Variants in GRIA4 observed in about 807,000 individuals in gnomAD.
GRIA4 encodes the protein glutamate ionotropic receptor AMPA type subunit 4.
Under a neutral mutation model 104.0 loss-of-function variants are expected in GRIA4, and 34 were observed. That is an observed-to-expected ratio of 0.33 (90% CI 0.25 to 0.44). GRIA4 has a LOEUF of 0.44. GRIA4 is among the 20% of genes least tolerant of loss of function. GRIA4 has a pLI of 1.00. For synonymous variants in GRIA4, 386 were observed against 381.9 expected (o/e 1.01, Z -0.13); for missense variants, 750 against 1,096.5 (o/e 0.68, Z 4.46).
intron 4 of GRIA4, among the ~76,000 whole-genome samples, chr11:105,757,430 T>C (rs1418246443): frequency 1.3e-5 from 2 of 151,962 alleles, no homozygotes; most frequent in African/African-American, 4.8e-5. Context: ...ATAATTGATA[T>C]GAAACTAAAA....
At chr11:105,953,137 G>A (rs984785926) in intron 14 of GRIA4, among the ~76,000 whole-genome samples, 6 of 152,188 alleles carry the variant, frequency 3.9e-5, no homozygotes, top group African/African-American at 7.2e-5. Context: ...GCTGAAAACT[G>A]GCTACTCTTC....
rs776790088 is a variant in GRIA4, at chr11:105,918,787, G to T, written c.1345G>T (p.Asp449Tyr). The T allele has an allele frequency of 6.2e-7, 1 of 1,600,900 alleles. No homozygotes were observed. The highest frequency in any genetic ancestry group is 1.1e-5 in the South Asian group (1 of 90,810). Residue 449 changes from aspartate (D) to tyrosine (Y), a missense_variant, in exon 11 of 17, where the codon GAT becomes TAT. Asp to Tyr is a radical substitution (Grantham distance 160). Coordinates refer to ENST00000282499, the MANE Select transcript of GRIA4 (RefSeq NM_000829.4). ...TGACAAGTATGAAGGATACTGTGTA[G>T]ATTTGGCATCTGAAATTGCAAAACA... ...GNDKYEGYCV[D>Y]LASEIAKHIG...
intron 14 of GRIA4, among the ~76,000 whole-genome samples, chr11:105,968,317 G>A (rs950149397): frequency 6.6e-6 from 1 of 152,206 alleles, no homozygotes; most frequent in African/African-American, 2.4e-5. Flanking sequence ...TTAAACTTGT[G>A]TTTGAATGGG....
At chr11:105,622,608 T>C (rs186494419) in intron 3 of GRIA4, among the ~76,000 whole-genome samples, 5 of 151,918 alleles carry the variant, frequency 3.3e-5, no homozygotes, top group Admixed American at 6.6e-5. Flanking sequence ...CCCATGCCTC[T>C]ACCTCCAAAG....
chr11:105,737,863 C>A lies in GRIA4; in HGVS notation c.248-15118C>A, dbSNP rs1242893233. Reference sequence around the variant, plus strand: ...TAGATGTATAAACTTATATGAGTTGCATAAATTCACCAAATTTCATCTTTC... The same window carrying A: ...TAGATGTATAAACTTATATGAGTTGAATAAATTCACCAAATTTCATCTTTC... On this transcript the variant is annotated intron_variant, in intron 3 of 16. Transcript: ENST00000282499. Among the ~76,000 whole-genome samples, 2 of 152,170 alleles carry A rather than the reference C, an allele frequency of 1.3e-5. 1 individual carries two copies. Among genetic ancestry groups the A allele is most frequent in the East Asian group, 3.9e-4 (2 of 5,180 alleles).
chr11:105,706,303 T>G (rs1446819544), intron 3 of GRIA4: 2 of 152,398 alleles, frequency 1.3e-5, no homozygotes, highest in African/African-American at 4.8e-5. Context: ...GCAGAAATGC[T>G]TCAATTACTT....
At chr11:105,819,674 C>T (rs549623610) in intron 4 of GRIA4, among the ~76,000 whole-genome samples, 2 of 151,996 alleles carry the variant, frequency 1.3e-5, no homozygotes, top group African/African-American at 2.4e-5. Flanking sequence ...CATGAAAAGT[C>T]TTACTTTATA....
chr11:105,706,158 G>C (rs1953691354), intron 3 of GRIA4: 1 of 152,224 alleles, frequency 6.6e-6, no homozygotes, highest in Non-Finnish European at 1.5e-5. Flanking sequence ...GTCAATTGTG[G>C]GGCCTTGCCA....
chr11:105,807,389 GAA>G (rs1182555546), intron 4 of GRIA4, among the ~76,000 whole-genome samples: 1 of 151,916 alleles, frequency 6.6e-6, no homozygotes, highest in Non-Finnish European at 1.5e-5. Flanking sequence ...GTTAAACATT[GAA>G]AAAGAGTCAA....
chr11:105,753,319 C>CAGAAATGGTTTCTG, intron 4 of GRIA4, 99 bp downstream of exon 4: 2 of 1,052,786 alleles, frequency 1.9e-6, no homozygotes, highest in Non-Finnish European at 2.8e-6. Flanking sequence ...TGATCTCTAA[C>CAGAAATGGTTTCTG]ATCACTAAAA....
intron 4 of GRIA4, among the ~76,000 whole-genome samples, chr11:105,777,091 T>C (rs566162392): frequency 4.1e-4 from 63 of 152,202 alleles, no homozygotes; most frequent in Admixed American, 2.5e-3. Context: ...ACACGGAATG[T>C]TATAAATGAA....
intron 6 of GRIA4, among the ~76,000 whole-genome samples, chr11:105,892,291 C>G (rs573856438): frequency 4.8e-4 from 73 of 152,200 alleles, no homozygotes; most frequent in South Asian, 1.2e-3. Flanking sequence ...ACATTTGTCC[C>G]ATTACCAAGA....
At chr11:105,949,947 A>G (rs1281791352) in intron 14 of GRIA4, among the ~76,000 whole-genome samples, 1 of 152,172 alleles carries the variant, frequency 6.6e-6, no homozygotes, top group Non-Finnish European at 1.5e-5. Context: ...AGGCCTCACT[A>G]TCCTCATCTG....
At chr11:105,830,182 C>T (rs986207745) in intron 4 of GRIA4, among the ~76,000 whole-genome samples, 2 of 151,880 alleles carry the variant, frequency 1.3e-5, no homozygotes, top group East Asian at 3.9e-4. Context: ...TCTAAATGGG[C>T]AGTGAGGTGA....
intron 3 of GRIA4, among the ~76,000 whole-genome samples, chr11:105,621,144 T>C (rs1250220749): frequency 6.6e-6 from 1 of 151,832 alleles, no homozygotes; most frequent in Non-Finnish European, 1.5e-5. Context: ...GCAGAAATTA[T>C]ACTATAAGCT....
intron 10 of GRIA4, chr11:105,913,207 C>A: frequency 5.5e-6 from 2 of 365,818 alleles, no homozygotes; most frequent in Non-Finnish European, 7.6e-6. Context: ...CTCAATGAAA[C>A]TTATAGTATA....
intron 6 of GRIA4, among the ~76,000 whole-genome samples, chr11:105,897,514 TG>T (rs1346615406): frequency 2.6e-5 from 4 of 152,130 alleles, no homozygotes; most frequent in African/African-American, 9.7e-5. Context: ...TTCAAGCTTT[TG>T]CCCAGTCAGT....
intron 3 of GRIA4, among the ~76,000 whole-genome samples, chr11:105,689,407 G>A (rs942789257): frequency 6.6e-6 from 1 of 152,136 alleles, no homozygotes; most frequent in East Asian, 1.9e-4. Context: ...AGCATGATGA[G>A]TTGTGTACGT....
chr11:105,867,651 G>A (rs991381200), intron 5 of GRIA4, among the ~76,000 whole-genome samples: 2 of 152,074 alleles, frequency 1.3e-5, no homozygotes, highest in African/African-American at 2.4e-5. Flanking sequence ...ACTGGCTAAT[G>A]GCCATGAGGT....
Sources: allele counts gnomAD v4.1 joint callset (sites outside exome capture counted in the v4.1 genomes callset), GRCh38; gene constraint gnomAD v4.1.1; transcripts MANE v1.5; gene names NCBI Gene and HGNC (gene_info 2026-07-23, HGNC 2026-07-21).